Variants in CPAMD8 observed in about 807,000 individuals in gnomAD.
The protein encoded by CPAMD8 is C3 and PZP-like alpha-2-macroglobulin domain-containing protein 8.
A neutral mutation model predicts 224.7 loss-of-function variants in CPAMD8; 146 were observed. The ratio of observed to expected loss-of-function variants is 0.65; its 90% CI spans 0.57 to 0.75. The LOEUF is 0.75. CPAMD8 is among the 30% of genes least tolerant of loss of function. CPAMD8 has a pLI of 0.00. For synonymous variants in CPAMD8, 966 were observed against 1,044.6 expected (o/e 0.92, Z 1.45); for missense variants, 2,301 against 2,537.5 (o/e 0.91, Z 2.00).
At chr19:17,007,434 G>A (rs2056522968) in intron 7 of CPAMD8, among the ~76,000 whole-genome samples, 1 of 151,710 alleles carries the variant, frequency 6.6e-6, no homozygotes, top group Non-Finnish European at 1.5e-5. Context: ...GGGGGAGGAG[G>A]AGGAGGAAAG....
At chr19:17,003,189 T>C (rs1272151346) in intron 8 of CPAMD8, among the ~76,000 whole-genome samples, 1 of 151,372 alleles carries the variant, frequency 6.6e-6, no homozygotes, top group Admixed American at 6.6e-5. Flanking sequence ...AGACGTTAGC[T>C]GCCATGCCTG....
chr19:16,905,913 A>C (rs1463515563), intron 30 of CPAMD8, among the ~76,000 whole-genome samples: 2 of 151,956 alleles, frequency 1.3e-5, no homozygotes, highest in Non-Finnish European at 2.9e-5. Flanking sequence ...AGGTGGGGAG[A>C]CTGACAGCTC....
At chr19:16,894,773 G>T in intron 41 of CPAMD8, 1 of 269,426 alleles carries the variant, frequency 3.7e-6, no homozygotes, top group South Asian at 3.9e-5. Context: ...CGGGCACAGT[G>T]GCTCACGCCT....
In CPAMD8 at chr19:16,975,096, C is replaced by T. The variant is rs374939930; in HGVS notation, c.2070+1G>A. 6.9e-5 allele frequency: 111 copies of T among 1,611,336 alleles called. No homozygotes were observed. The highest frequency in any genetic ancestry group is 8.8e-5 in the South Asian group (8 of 90,446). On this transcript the variant is annotated splice_donor_variant, in intron 17 of 41. Transcript: ENST00000443236. LOFTEE classifies it high-confidence loss of function. ...AGGGATCTGAGACCACCTCTCCTTA[C>T]GGTGAAGGCAAACCCAGAGTCCTTG... is the stretch of plus-strand genomic sequence containing the variant.
chr19:16,960,984 T>C (rs1456535552), intron 18 of CPAMD8, among the ~76,000 whole-genome samples: 1 of 150,764 alleles, frequency 6.6e-6, no homozygotes, highest in Non-Finnish European at 1.5e-5. Flanking sequence ...ATATATCCTC[T>C]TCTACTGCTT....
chr19:16,972,151 C>T (rs16981515), intron 17 of CPAMD8, among the ~76,000 whole-genome samples: 38,130 of 151,940 alleles, frequency 0.25, 5,013 homozygotes, highest in African/African-American at 0.32. Flanking sequence ...CGGTGGGATG[C>T]AATGATCTCT....
intron 23 of CPAMD8, among the ~76,000 whole-genome samples, chr19:16,936,594 A>T (rs1025573780): frequency 6.6e-6 from 1 of 151,704 alleles, no homozygotes. Flanking sequence ...TTTTGTAGAG[A>T]TGGAGTTTCA....
At chr19:16,981,738 A>G (rs1285454141) in intron 13 of CPAMD8, among the ~76,000 whole-genome samples, 1 of 152,086 alleles carries the variant, frequency 6.6e-6, no homozygotes, top group Admixed American at 6.6e-5. Flanking sequence ...ACTGTCCCCA[A>G]ATGTTGGGAT....
Position 16,991,402 on chromosome 19 carries a change from T to G in CPAMD8, c.1267-1631A>C, listed in dbSNP as rs564044420. ...CTGGTGTCAGAATTTAGGGTAGTCT[T>G]GTGGAGAGGGCTGTGCCTACCACCT... On this transcript the variant is annotated intron_variant, in intron 12 of 41. Coordinates refer to ENST00000443236, the MANE Select transcript of CPAMD8 (RefSeq NM_015692.5). Among the ~76,000 whole-genome samples the G allele has an allele frequency of 2.1e-3, 317 of 152,162 alleles. 1 individual carries two copies. The highest frequency in any genetic ancestry group is 7.5e-3 in the African/African-American group (310 of 41,508).
chr19:17,017,243 G>A (rs956108776), intron 3 of CPAMD8, among the ~76,000 whole-genome samples: 2 of 152,158 alleles, frequency 1.3e-5, no homozygotes, highest in Non-Finnish European at 2.9e-5. Flanking sequence ...CCCCAGGTGG[G>A]ACCATCTAGT....
At chr19:16,998,660 T>C (rs1020252476) in intron 10 of CPAMD8, among the ~76,000 whole-genome samples, 5 of 152,124 alleles carry the variant, frequency 3.3e-5, no homozygotes, top group African/African-American at 1.2e-4. Context: ...TGGGTGTCTG[T>C]TGTACTGTAG....
chr19:16,897,543 C>T, intron 39 of CPAMD8, 148 bp downstream of exon 39: 1 of 568,574 alleles, frequency 1.8e-6, no homozygotes, highest in South Asian at 2.2e-5. Context: ...ACAGGCAGAG[C>T]GCCCGCCCAC....
At position 17,026,592 on chromosome 19, in the gene CPAMD8, C is replaced by T. The variant is rs1005753656; in HGVS notation, c.51G>A (p.Leu17=). ...WPLLPLLLLL[L]SARDGVRAAQ... ...CGGCGCGCACGCCGTCCCGCGCCGA[C>T]AGCAGCAGGAGCAGGAGCGGGAGCA... is the stretch of plus-strand genomic sequence containing the variant. The change falls in exon 1 of 42, where the codon CTG becomes CTA. Residue 17 remains leucine (L), a synonymous_variant. Transcript: ENST00000443236. The T allele has an allele frequency of 2.6e-6, 4 of 1,527,146 alleles. No individual in the cohort carries two copies. The highest frequency in any genetic ancestry group is 3.5e-6 in the Non-Finnish European group (4 of 1,146,166). The allele number at this position is 1,527,146 out of a possible 1,614,324, so 94.6% of individuals were successfully genotyped here.
rs1407687594 is a variant in CPAMD8 at position 16,963,014 on chromosome 19, G to A, written c.2214-5099C>T. ...TGCTGAGAGATTTTGTCACCACCAG[G>A]CCTGCCTTTCAAGAGCTCCTGAAGG... On this transcript the variant is annotated intron_variant, in intron 18 of 41. Transcript: ENST00000443236. Among the ~76,000 whole-genome samples the A allele has an allele frequency of 2.0e-5, 3 of 152,236 alleles. No individual in the cohort carries two copies. In the East Asian group the frequency reaches 5.8e-4, roughly 29 times the overall value.
In CPAMD8 at chr19:16,953,703, T is replaced by A. The variant is rs548672985; in HGVS notation, c.2277-1503A>T. On this transcript the variant is annotated intron_variant, in intron 19 of 41. Transcript: ENST00000443236. Reference sequence around the variant, plus strand: ...TCAACAGAGTAAAAAGTCAACCCAGTGGGAGAAAATATTTGCAAGTCATAT... The same window carrying A: ...TCAACAGAGTAAAAAGTCAACCCAGAGGGAGAAAATATTTGCAAGTCATAT... Among the ~76,000 whole-genome samples, 23 of 146,516 alleles carry A rather than the reference T, an allele frequency of 1.6e-4. No homozygotes were observed. In the South Asian group the frequency reaches 5.0e-3, roughly 32 times the overall value.
chr19:16,987,827 G>T (rs753727286), intron 13 of CPAMD8, among the ~76,000 whole-genome samples: 31 of 151,468 alleles, frequency 2.0e-4, no homozygotes, highest in Non-Finnish European at 3.8e-4. Context: ...GGGTTTTTTT[G>T]TTTTTGTTTT....
intron 18 of CPAMD8, among the ~76,000 whole-genome samples, chr19:16,970,126 C>T (rs894834272): frequency 6.7e-6 from 1 of 148,372 alleles, no homozygotes; most frequent in African/African-American, 2.5e-5. Context: ...ATAGTCTCAG[C>T]TACTCAGGAG....
At chr19:16,916,766 GATAAA>G (rs1465916666) in intron 27 of CPAMD8, among the ~76,000 whole-genome samples, 1 of 151,772 alleles carries the variant, frequency 6.6e-6, no homozygotes, top group Non-Finnish European at 1.5e-5. Context: ...TAAATAAATA[GATAAA>G]ATAAAATAAA....
chr19:16,951,075 G>A (rs2054284063), intron 20 of CPAMD8, among the ~76,000 whole-genome samples: 1 of 152,040 alleles, frequency 6.6e-6, no homozygotes, highest in African/African-American at 2.4e-5. Flanking sequence ...TAATATCATC[G>A]AAAAACAGCC....
Sources: gnomAD v4.1 joint callset for allele counts (sites outside exome capture counted in the v4.1 genomes callset) on GRCh38, gnomAD v4.1.1 for gene constraint, MANE v1.5 for transcripts, NCBI Gene and HGNC (gene_info 2026-07-23, HGNC 2026-07-21) for gene names.